ZPLD1: variants seen among roughly 807,000 people sequenced by gnomAD.
The protein encoded by ZPLD1 is zona pellucida like domain containing 1.
ZPLD1 carries 34 observed loss-of-function variants against 47.2 expected under a neutral mutation model. The observed-to-expected ratio is 0.72, with a 90% CI of 0.55 to 0.96. ZPLD1 has a LOEUF of 0.96. ZPLD1 is among the 40% of genes least tolerant of loss of function. The probability of loss-of-function intolerance (pLI) is 0.00; values close to 1 mark genes in which losing one functional copy is unlikely to be tolerated. For synonymous variants in ZPLD1, 176 were observed against 186.2 expected (o/e 0.95, Z 0.45); for missense variants, 512 against 505.8 (o/e 1.01, Z -0.12).
At chr3:102,463,530 A>G (rs1361551924) in intron 7 of ZPLD1, among the ~76,000 whole-genome samples, 1 of 152,156 alleles carries the variant, frequency 6.6e-6, no homozygotes, top group African/African-American at 2.4e-5. Context: ...GAAATTGACA[A>G]TTTGGTGCAG....
chr3:102,422,995 G>T (rs1246371927), intron 8 of ZPLD1, among the ~76,000 whole-genome samples: 1 of 152,076 alleles, frequency 6.6e-6, no homozygotes, highest in Non-Finnish European at 1.5e-5. Flanking sequence ...TATATCATTT[G>T]ATCAGGAAAG....
chr3:102,462,232 T>C (rs1707517366), intron 6 of ZPLD1, 49 bp from the exon 7 acceptor site: 1 of 1,145,814 alleles, frequency 8.7e-7, no homozygotes, highest in African/African-American at 1.5e-5. Flanking sequence ...GTAGTAAGTG[T>C]GCTGTTGTTG....
At chr3:102,388,465 G>C (rs62274715) in intron 6 of ZPLD1, among the ~76,000 whole-genome samples, 19,602 of 128,090 alleles carry the variant, frequency 0.15, 1,374 homozygotes, top group Middle Eastern at 0.21. Context: ...CTGTGTGTGT[G>C]TGTGTGTGTG....
chr3:102,424,615 C>G (rs928316784), intron 8 of ZPLD1, among the ~76,000 whole-genome samples: 1 of 151,958 alleles, frequency 6.6e-6, no homozygotes, highest in African/African-American at 2.4e-5. Flanking sequence ...CCCATGGGTA[C>G]CATGTTGCTG....
intron 6 of ZPLD1, among the ~76,000 whole-genome samples, chr3:102,458,929 A>C (rs1019645234): frequency 6.6e-6 from 1 of 151,868 alleles, no homozygotes; most frequent in Non-Finnish European, 1.5e-5. Context: ...CTCTACTAAA[A>C]AATACAAAAA....
intron 8 of ZPLD1, among the ~76,000 whole-genome samples, chr3:102,419,510 T>A (rs1161350431): frequency 1.3e-5 from 2 of 151,920 alleles, no homozygotes; most frequent in Non-Finnish European, 2.9e-5. Flanking sequence ...CATTTCTTTG[T>A]TTCTCTCTCT....
chr3:102,387,850 CTTTTTT>C (rs1023132648), intron 6 of ZPLD1, among the ~76,000 whole-genome samples: 6 of 80,628 alleles, frequency 7.4e-5, no homozygotes, highest in Admixed American at 1.8e-4. Flanking sequence ...CTGAGAAATT[CTTTTTT>C]TTTTTTTTTT....
intron 8 of ZPLD1, among the ~76,000 whole-genome samples, chr3:102,418,909 G>A (rs79115289): frequency 6.6e-6 from 1 of 152,098 alleles, no homozygotes; most frequent in East Asian, 1.9e-4. Context: ...CATTTCTTGG[G>A]TGATCTCTAA....
At chr3:102,465,919 G>A (rs1351474437) in intron 8 of ZPLD1, among the ~76,000 whole-genome samples, 4 of 152,084 alleles carry the variant, frequency 2.6e-5, no homozygotes, top group Non-Finnish European at 5.9e-5. Flanking sequence ...GGGGTCTTAA[G>A]GGAGTCAGCT....
At chr3:102,468,237 T>C (rs1707627721) in intron 8 of ZPLD1, among the ~76,000 whole-genome samples, 2 of 152,192 alleles carry the variant, frequency 1.3e-5, no homozygotes, top group Non-Finnish European at 2.9e-5. Context: ...CAAAATTGAA[T>C]AATATTTATA....
chr3:102,469,839 T>TA (rs556066242), intron 9 of ZPLD1, among the ~76,000 whole-genome samples: 4 of 152,060 alleles, frequency 2.6e-5, no homozygotes, highest in Non-Finnish European at 4.4e-5. Flanking sequence ...AAGTAGTGAA[T>TA]AAAAAAAATT....
Position 102,458,925 on chromosome 3 carries a change from TA to T in ZPLD1, c.582+1078del, listed in dbSNP as rs1190596703. ...TAACACGGTGAAACCCTGTCTCTAC[TA>T]AAAAATACAAAAAATTAGCCGGGCG... On this transcript the variant is annotated intron_variant, in intron 6 of 11. Coordinates refer to ENST00000466937, the MANE Select transcript of ZPLD1 (RefSeq NM_001329788.2). Among the ~76,000 whole-genome samples, 4 of 151,174 alleles carry T rather than the reference TA, an allele frequency of 2.6e-5. No individual in the cohort carries two copies. In the South Asian group the frequency reaches 6.3e-4, roughly 24 times the overall value.
At chr3:102,473,717 A>T (rs1413050058) in intron 10 of ZPLD1, among the ~76,000 whole-genome samples, 1 of 152,190 alleles carries the variant, frequency 6.6e-6, no homozygotes, top group Non-Finnish European at 1.5e-5. Context: ...GAAAATATAT[A>T]TTTTTAAAAA....
At chr3:102,385,522 C>T (rs1248600349) in intron 6 of ZPLD1, among the ~76,000 whole-genome samples, 1 of 152,102 alleles carries the variant, frequency 6.6e-6, no homozygotes, top group Non-Finnish European at 1.5e-5. Flanking sequence ...TTATGAATAT[C>T]TAAACACATT....
intron 3 of ZPLD1, among the ~76,000 whole-genome samples, chr3:102,442,013 A>G (rs1266413200): frequency 6.6e-6 from 1 of 152,172 alleles, no homozygotes; most frequent in African/African-American, 2.4e-5. Context: ...TGATGTTTAC[A>G]TTTCAAAGAG....
At chr3:102,405,907 T>G (rs962741189) in intron 7 of ZPLD1, among the ~76,000 whole-genome samples, 1 of 151,946 alleles carries the variant, frequency 6.6e-6, no homozygotes, top group Admixed American at 6.6e-5. Context: ...AGTGAAAGAG[T>G]TGGGCTGTAT....
At chr3:102,457,524 G>A (rs907390914) in intron 5 of ZPLD1, among the ~76,000 whole-genome samples, 2 of 152,130 alleles carry the variant, frequency 1.3e-5, no homozygotes, top group African/African-American at 4.8e-5. Context: ...CCAAAAGCCT[G>A]TTAAAAGTAA....
At chr3:102,439,792 T>TAG (rs1707147501) in intron 3 of ZPLD1, among the ~76,000 whole-genome samples, 1 of 152,214 alleles carries the variant, frequency 6.6e-6, no homozygotes, top group African/African-American at 2.4e-5. Context: ...CATTATCCTT[T>TAG]ACGTATACGT....
At chr3:102,409,208 G>C (rs1706724264) in intron 7 of ZPLD1, among the ~76,000 whole-genome samples, 2 of 151,902 alleles carry the variant, frequency 1.3e-5, no homozygotes, top group East Asian at 1.9e-4. Context: ...GCAGGTGCAA[G>C]AGACAGAGAG....
Sources: gnomAD v4.1 joint callset for allele counts (sites outside exome capture counted in the v4.1 genomes callset) on GRCh38, gnomAD v4.1.1 for gene constraint, MANE v1.5 for transcripts, NCBI Gene and HGNC (gene_info 2026-07-23, HGNC 2026-07-21) for gene names.